Variants in VWDE observed in about 807,000 individuals in gnomAD.
The protein encoded by VWDE is von Willebrand factor D and EGF domains, also known as von Willebrand factor D and EGF domain-containing protein.
In VWDE, 207 loss-of-function variants were observed where a neutral mutation model predicts 178.4. The ratio of observed to expected loss-of-function variants is 1.16; its 90% CI spans 1.04 to 1.30. The LOEUF (loss-of-function observed/expected upper bound fraction) is 1.30. Ranked by LOEUF, VWDE falls within the 50% of genes most tolerant of loss-of-function variation. VWDE has a pLI of 0.00. For synonymous variants in VWDE, 738 were observed against 651.4 expected (o/e 1.13, Z -2.02); for missense variants, 2,287 against 1,901.3 (o/e 1.20, Z -3.77).
intron 2 of VWDE, 111 bp from the exon 3 acceptor site, chr7:12,389,469 A>T: frequency 1.3e-6 from 1 of 789,254 alleles, no homozygotes; most frequent in East Asian, 2.7e-5. Flanking sequence ...ATTAATCATT[A>T]AAAAAATTAT....
At chr7:12,382,056 T>C (rs946737054) in intron 4 of VWDE, among the ~76,000 whole-genome samples, 2 of 151,874 alleles carry the variant, frequency 1.3e-5, no homozygotes, top group South Asian at 2.1e-4. Context: ...CCTTTGTCAA[T>C]TGTAATATTA....
chr7:12,380,471 T>C lies in VWDE; in HGVS notation c.789+15A>G. On this transcript the variant is annotated intron_variant, in intron 5 of 28. Coordinates refer to ENST00000275358, the MANE Select transcript of VWDE (RefSeq NM_001135924.3). ...TACATTCATGAAAATAAAATGCAAC[T>C]GTTTTTTAACATACCCTGTCTCCAA... 1 of 1,538,860 alleles carries C rather than the reference T, an allele frequency of 6.5e-7. No homozygotes were observed. The highest frequency in any genetic ancestry group is 2.5e-5 in the East Asian group (1 of 40,792).
chr7:12,375,263 G>A, intron 7 of VWDE, 36 bp from the exon 8 acceptor site: 3 of 1,419,834 alleles, frequency 2.1e-6, no homozygotes, highest in Non-Finnish European at 1.9e-6. Flanking sequence ...AAATTTCCAA[G>A]AGAATATACT....
At chr7:12,332,378 G>T (rs1018381571) in intron 28 of VWDE, among the ~76,000 whole-genome samples, 2 of 152,000 alleles carry the variant, frequency 1.3e-5, no homozygotes, top group African/African-American at 4.8e-5. Context: ...CTTAGAAGCA[G>T]CATTAATGGG....
intron 19 of VWDE, 21 bp from the exon 20 acceptor site, chr7:12,344,490 A>G (rs1781499748): frequency 5.9e-6 from 9 of 1,532,096 alleles, no homozygotes; most frequent in Non-Finnish European, 7.9e-6. Context: ...ATCAAAGAAA[A>G]AAAGGTTGAT....
At chr7:12,380,446 T>C (rs2128558497) in intron 5 of VWDE, 40 bp downstream of exon 5, 3 of 1,531,512 alleles carry the variant, frequency 2.0e-6, no homozygotes, top group South Asian at 2.5e-5. Context: ...TGAAAATCAA[T>C]ACATTCATGA....
chr7:12,396,030 C>A (rs1004051355), intron 1 of VWDE, among the ~76,000 whole-genome samples: 1 of 152,112 alleles, frequency 6.6e-6, no homozygotes, highest in East Asian at 1.9e-4. Flanking sequence ...TTCCATTTAT[C>A]CTTCTTCCTG....
At chr7:12,356,583 A>G (rs866588937) in intron 17 of VWDE, among the ~76,000 whole-genome samples, 2 of 152,324 alleles carry the variant, frequency 1.3e-5, no homozygotes, top group African/African-American at 2.4e-5. Flanking sequence ...AAAAAGTTAC[A>G]AGATGATCAA....
chr7:12,356,455 T>C (rs1293438454), intron 17 of VWDE, 125 bp from the exon 18 acceptor site: 2 of 660,354 alleles, frequency 3.0e-6, no homozygotes, highest in African/African-American at 2.5e-5. Context: ...ATATTTGATA[T>C]ATATACACAC....
At chr7:12,387,447 G>A (rs762920322) in intron 3 of VWDE, among the ~76,000 whole-genome samples, 9 of 151,868 alleles carry the variant, frequency 5.9e-5, no homozygotes, top group African/African-American at 9.7e-5. Flanking sequence ...GAAATTTAAA[G>A]GAATCAATTT....
chr7:12,392,211 A>G (rs1289252903), intron 2 of VWDE, among the ~76,000 whole-genome samples: 2 of 152,224 alleles, frequency 1.3e-5, no homozygotes, highest in Non-Finnish European at 2.9e-5. Flanking sequence ...AGCTACCTAA[A>G]AGCATCACTG....
chr7:12,333,357 T>C, intron 28 of VWDE, 108 bp downstream of exon 28: 1 of 739,516 alleles, frequency 1.4e-6, no homozygotes. Flanking sequence ...AAATGCTTTT[T>C]TTATTTTGGA....
At chr7:12,395,147 C>T (rs974221989) in intron 1 of VWDE, among the ~76,000 whole-genome samples, 2 of 152,046 alleles carry the variant, frequency 1.3e-5, no homozygotes, top group Non-Finnish European at 2.9e-5. Context: ...TCTAAATCTT[C>T]CATAGTTGTT....
intron 3 of VWDE, among the ~76,000 whole-genome samples, chr7:12,385,730 T>G (rs879124853): frequency 6.6e-5 from 10 of 152,208 alleles, no homozygotes; most frequent in Admixed American, 5.9e-4. Flanking sequence ...CTAAACGGTA[T>G]TCCAAGGCAA....
At position 12,370,864 on chromosome 7, in the gene VWDE, T is replaced by C. The variant is rs1335822114; in HGVS notation, c.1588A>G (p.Ile530Val). ...ATAAATGCCCCAGAAGAAAACCAGA[T>C]CTGAAAAACAGAAATAAATACAGAA... ...SESYLGRKVT[I>V]WFSSGAFIRA... The change falls in exon 11 of 29, where the codon ATC (isoleucine) becomes GTC (valine). Residue 530 changes from isoleucine (I) to valine (V), a missense_variant and splice_region_variant. Coordinates refer to ENST00000275358, the MANE Select transcript of VWDE (RefSeq NM_001135924.3). The C allele has an allele frequency of 1.3e-6, 2 of 1,508,870 alleles. No homozygotes were observed. The highest frequency in any genetic ancestry group is 1.4e-5 in the African/African-American group (1 of 71,036). 93.5% of individuals were successfully genotyped at this position (1,508,870 alleles called of 1,614,324 possible). A position where few individuals can be genotyped will look rare whatever the true frequency, so the allele number is the denominator to read the frequency against.
rs1283617083 is a variant in VWDE at position 12,333,457 on chromosome 7, T to C, written c.4758+8A>G. The C allele has an allele frequency of 2.0e-6, 3 of 1,520,142 alleles. No individual in the cohort carries two copies. The highest frequency in any genetic ancestry group is 2.8e-5 in the African/African-American group (2 of 72,130). 94.2% of individuals were successfully genotyped at this position (1,520,142 alleles called of 1,614,324 possible). On this transcript the variant is annotated splice_region_variant and intron_variant, in intron 28 of 28. Coordinates refer to ENST00000275358, the MANE Select transcript of VWDE (RefSeq NM_001135924.3). ...TAATATTTATTTTCTCTTTAAACTC[T>C]GAAATACCTGTATTTTCTTCTCACA... is the stretch of plus-strand genomic sequence containing the variant.
At chr7:12,360,479 C>T (rs2128553046) in intron 15 of VWDE, among the ~76,000 whole-genome samples, 2 of 152,192 alleles carry the variant, frequency 1.3e-5, no homozygotes, top group Middle Eastern at 3.4e-3. Context: ...GATGACTAAT[C>T]TCAAGAAAAT....
intron 21 of VWDE, 24 bp from the exon 22 acceptor site, chr7:12,343,202 A>G: frequency 6.6e-7 from 1 of 1,503,954 alleles, no homozygotes; most frequent in Non-Finnish European, 9.0e-7. Context: ...TTATGTTATT[A>G]TGTCAGTTCT....
Position 12,393,688 on chromosome 7 carries a change from A to T in VWDE, c.149T>A (p.Val50Asp), listed in dbSNP as rs750880332. ...FDSWHLQQSA[V>D]QDLICDHSLS... Reference sequence around the variant, plus strand: ...GGAATGGTCACATATTAGGTCTTGAACAGCTGACTGCTGGAGGTGCCATGA... The same window carrying T: ...GGAATGGTCACATATTAGGTCTTGATCAGCTGACTGCTGGAGGTGCCATGA... The change falls in exon 2 of 29, where the codon GTT becomes GAT. Residue 50 changes from valine to aspartate, a missense_variant. Val to Asp is a radical substitution (Grantham distance 152). Transcript: ENST00000275358. The T allele has an allele frequency of 3.9e-6, 6 of 1,551,160 alleles. No homozygotes were observed. The highest frequency in any genetic ancestry group is 2.0e-5 in the Admixed American group (1 of 50,956).
Sources: gnomAD v4.1 joint callset for allele counts (sites outside exome capture counted in the v4.1 genomes callset) on GRCh38, gnomAD v4.1.1 for gene constraint, MANE v1.5 for transcripts, NCBI Gene and HGNC (gene_info 2026-07-23, HGNC 2026-07-21) for gene names.